The following CPN1 variants were observed in gnomAD, a reference collection of about 807,000 sequenced individuals.
The protein encoded by CPN1 is carboxypeptidase N subunit 1.
Under a neutral mutation model 46.4 loss-of-function variants are expected in CPN1, and 37 were observed. The ratio of observed to expected loss-of-function variants is 0.80; its 90% CI spans 0.61 to 1.05. The LOEUF is 1.05. CPN1 is among the 50% of genes least tolerant of loss of function. The pLI is 0.00. For missense variants in CPN1, 563 were observed against 602.6 expected, an observed-to-expected ratio of 0.93 and a Z score of 0.69; for synonymous variants, 224 against 235.4, an observed-to-expected ratio of 0.95 and a Z score of 0.44.
chr10:100,064,873 A>AC (rs756562247), intron 4 of CPN1, among the ~76,000 whole-genome samples: 5 of 151,640 alleles, frequency 3.3e-5, no homozygotes, highest in Non-Finnish European at 4.4e-5. Context: ...TCTACTTTAG[A>AC]CCCCCCCAAA....
chr10:100,071,774 A>G (rs1212030116), intron 2 of CPN1, among the ~76,000 whole-genome samples: 4 of 152,264 alleles, frequency 2.6e-5, no homozygotes, highest in Non-Finnish European at 1.5e-5. Flanking sequence ...ACTGGGTAAC[A>G]TAAGTAACCT....
In CPN1 at chr10:100,081,721, T is replaced by C; in HGVS notation, c.-96A>G. Reference sequence around the variant, plus strand: ...CGCCAAAATCCAAGGTCCACCTAGCTTCCCGCTTGTAAACACCAGTCCAAA... The same window carrying C: ...CGCCAAAATCCAAGGTCCACCTAGCCTCCCGCTTGTAAACACCAGTCCAAA... On this transcript the variant is annotated 5_prime_UTR_variant, in exon 1 of 9. Coordinates refer to ENST00000370418, the MANE Select transcript of CPN1 (RefSeq NM_001308.3). The C allele has an allele frequency of 9.9e-7, 1 of 1,008,190 alleles. No individual in the cohort carries two copies. The highest frequency in any genetic ancestry group is 1.5e-6 in the Non-Finnish European group (1 of 658,244). The allele number at this position is 1,008,190 out of a possible 1,614,324, so 62.5% of individuals were successfully genotyped here. A position where few individuals can be genotyped will look rare whatever the true frequency, so the allele number is the denominator to read the frequency against.
At chr10:100,065,751 G>A (rs1418585439) in intron 3 of CPN1, among the ~76,000 whole-genome samples, 4 of 151,882 alleles carry the variant, frequency 2.6e-5, no homozygotes, top group Non-Finnish European at 5.9e-5. Flanking sequence ...TGGACTGGGA[G>A]CGCTCATGGT....
intron 3 of CPN1, among the ~76,000 whole-genome samples, chr10:100,068,011 G>A (rs1416912859): frequency 6.6e-6 from 1 of 151,758 alleles, no homozygotes; most frequent in African/African-American, 2.4e-5. Flanking sequence ...AATTGGCCAG[G>A]GGTGGTGGCA....
intron 1 of CPN1, among the ~76,000 whole-genome samples, chr10:100,077,694 G>A (rs538281325): frequency 1.3e-5 from 2 of 151,972 alleles, no homozygotes; most frequent in East Asian, 3.9e-4. Context: ...TCATGTGGTG[G>A]ATTTTCCATA....
chr10:100,061,607 T>G (rs2041418665), intron 5 of CPN1, among the ~76,000 whole-genome samples: 1 of 152,130 alleles, frequency 6.6e-6, no homozygotes, highest in African/African-American at 2.4e-5. Flanking sequence ...TTTGATAAAT[T>G]TAATGACTTT....
At chr10:100,049,408 G>T (rs571427493) in intron 7 of CPN1, among the ~76,000 whole-genome samples, 1 of 151,108 alleles carries the variant, frequency 6.6e-6, no homozygotes, top group African/African-American at 2.4e-5. Flanking sequence ...GATTAGAGGC[G>T]TGCACCACCA....
intron 5 of CPN1, among the ~76,000 whole-genome samples, chr10:100,058,592 A>G (rs2041398660): frequency 6.6e-6 from 1 of 152,226 alleles, no homozygotes; most frequent in South Asian, 2.1e-4. Flanking sequence ...CCACTTAAAA[A>G]TGTCTGTACT....
chr10:100,049,283 C>T (rs1275549640), intron 7 of CPN1, among the ~76,000 whole-genome samples: 1 of 137,114 alleles, frequency 7.3e-6, no homozygotes, highest in Non-Finnish European at 1.5e-5. Flanking sequence ...GAGATGGAGT[C>T]TCACTCTGTC....
chr10:100,065,335 C>T lies in CPN1; in HGVS notation c.612G>A (p.Met204Ile). ...CTGAAAGAACAAAGTTGAAGGAGTG[C>T]ATCCACCGGATCACCGCCCGGGTCT... is the stretch of plus-strand genomic sequence containing the variant. ...EPETRAVIRW[M>I]HSFNFVLSAN... The change falls in exon 4 of 9, where the codon ATG (methionine) becomes ATA (isoleucine). Residue 204 changes from methionine (M) to isoleucine (I), a missense_variant. Physicochemically the swap from Met to Ile is conservative, Grantham distance 10. Transcript: ENST00000370418. The T allele has an allele frequency of 6.2e-7, 1 of 1,614,202 alleles. No individual in the cohort carries two copies. Among genetic ancestry groups the T allele is most frequent in the Non-Finnish European group, 8.5e-7 (1 of 1,180,036 alleles).
chr10:100,066,929 C>A (rs10883438), intron 3 of CPN1, among the ~76,000 whole-genome samples: 13,706 of 152,252 alleles, frequency 0.09, 1,572 homozygotes, highest in East Asian at 0.27. Context: ...CACTGTTCCT[C>A]TTCCTCAAGG....
In CPN1 at chr10:100,042,545, G is replaced by A. The variant is rs1162218911; in HGVS notation, c.1259C>T (p.Pro420Leu). 1.2e-6 allele frequency: 2 copies of A among 1,613,770 alleles called. No individual in the cohort carries two copies. The highest frequency in any genetic ancestry group is 1.3e-5 in the African/African-American group (1 of 74,836). ...LVNFHLKRSI[P>L]QVSPVRRAPS... is the part of the protein sequence containing the mutation. ...AGCTCTCCTCACAGGGCTTACTTGA[G>A]GGATGCTTCTTTTGAGGTGGAAGTT... Residue 420 changes from proline to leucine, a missense_variant, in exon 9 of 9, where the codon CCT becomes CTT. Physicochemically the swap from Pro to Leu is moderately conservative, Grantham distance 98. Coordinates refer to ENST00000370418, the MANE Select transcript of CPN1 (RefSeq NM_001308.3).
At chr10:100,044,617 C>T (rs1161024724) in intron 8 of CPN1, among the ~76,000 whole-genome samples, 2 of 152,130 alleles carry the variant, frequency 1.3e-5, no homozygotes, top group Non-Finnish European at 2.9e-5. Flanking sequence ...CTCAAGTGAT[C>T]TGCCAGCCTC....
chr10:100,054,996 G>A (rs2041377371), intron 6 of CPN1, among the ~76,000 whole-genome samples: 1 of 151,890 alleles, frequency 6.6e-6, no homozygotes, highest in Admixed American at 6.6e-5. Flanking sequence ...CCAGCACTTT[G>A]GGAGGCCGAG....
At chr10:100,054,688 T>C (rs1554879523) in intron 6 of CPN1, among the ~76,000 whole-genome samples, 1 of 152,140 alleles carries the variant, frequency 6.6e-6, no homozygotes, top group Non-Finnish European at 1.5e-5. Flanking sequence ...ACTCAAAACC[T>C]AACTCACTTT....
intron 8 of CPN1, among the ~76,000 whole-genome samples, chr10:100,043,073 G>T (rs995132984): frequency 7.2e-6 from 1 of 139,294 alleles, no homozygotes; most frequent in Admixed American, 7.6e-5. Context: ...CAGCCTGGGT[G>T]ACAGCGAGAC....
At chr10:100,050,090 T>A (rs2041340915) in intron 7 of CPN1, among the ~76,000 whole-genome samples, 1 of 152,150 alleles carries the variant, frequency 6.6e-6, no homozygotes, top group African/African-American at 2.4e-5. Context: ...CGGTGGCTCA[T>A]GCCTGTAATC....
intron 2 of CPN1, among the ~76,000 whole-genome samples, chr10:100,071,515 G>C (rs1031174167): frequency 4.6e-5 from 7 of 152,116 alleles, no homozygotes; most frequent in Admixed American, 2.6e-4. Context: ...TTCTTACAAG[G>C]ACACCAGTTA....
chr10:100,050,514 G>C (rs79716306), intron 7 of CPN1, among the ~76,000 whole-genome samples: 2,225 of 152,294 alleles, frequency 0.015, 55 homozygotes, highest in African/African-American at 0.051. Context: ...CTGTACCACT[G>C]AACATGGAGG....
Sources: allele counts gnomAD v4.1 joint callset (sites outside exome capture counted in the v4.1 genomes callset), GRCh38; gene constraint gnomAD v4.1.1; transcripts MANE v1.5; gene names NCBI Gene and HGNC (gene_info 2026-07-23, HGNC 2026-07-21).